UGGT2: variants seen among roughly 807,000 people sequenced by gnomAD.
UGGT2 encodes UDP-glucose glycoprotein glucosyltransferase 2.
A neutral mutation model predicts 192.1 loss-of-function variants in UGGT2; 180 were observed. That is an observed-to-expected ratio of 0.94 (90% CI 0.83 to 1.06). The LOEUF is 1.06. Among genes scored for constraint, UGGT2 ranks in the 50% least tolerant of loss-of-function variants. UGGT2 has a pLI of 0.00. For missense variants in UGGT2, 1,849 were observed against 1,795.7 expected (o/e 1.03, Z -0.54); for synonymous variants, 580 against 591.0 (o/e 0.98, Z 0.27).
intron 38 of UGGT2, among the ~76,000 whole-genome samples, chr13:95,823,855 GT>G (rs926577717): frequency 1.3e-5 from 2 of 151,952 alleles, no homozygotes; most frequent in Non-Finnish European, 1.5e-5. Flanking sequence ...GGCTCTGTGA[GT>G]TTTTTATTTT....
intron 20 of UGGT2, among the ~76,000 whole-genome samples, chr13:95,906,745 C>T (rs186648332): frequency 6.6e-6 from 1 of 152,252 alleles, no homozygotes. Context: ...AAAAGAATCT[C>T]AGTAACAATA....
rs747029590 is a variant in UGGT2, at chr13:95,958,594, CT to C, written c.1336-9141del. 9.0e-3 allele frequency among the ~76,000 whole-genome samples: 1,177 copies of C among 131,144 alleles called. 4 individuals carry two copies. The highest frequency in any genetic ancestry group is 0.019 in the Middle Eastern group (5 of 258). The allele number at this position is 131,144 out of a possible 152,430, so 86.0% of individuals were successfully genotyped here. On this transcript the variant is annotated intron_variant, in intron 12 of 38. Coordinates refer to ENST00000376747, the MANE Select transcript of UGGT2 (RefSeq NM_020121.4). ...CAGAGAGGATTTTTCCCCTTAAGAT[CT>C]TTTTTTTTTTTTTTTTTAAGAAGGG...
At chr13:95,976,315 A>G (rs1429427759) in intron 10 of UGGT2, among the ~76,000 whole-genome samples, 1 of 152,108 alleles carries the variant, frequency 6.6e-6, no homozygotes, top group Non-Finnish European at 1.5e-5. Flanking sequence ...TTATCCACCC[A>G]TCCATTAATG....
intron 17 of UGGT2, among the ~76,000 whole-genome samples, chr13:95,930,978 A>G (rs2049238815): frequency 6.9e-6 from 1 of 145,484 alleles, no homozygotes; most frequent in Middle Eastern, 3.5e-3. Context: ...AACCTCCCAC[A>G]GCATGGAAAG....
In UGGT2 at chr13:96,053,114, G is replaced by A. The variant is rs143778771; in HGVS notation, c.158+41C>T. 10,606 of 1,430,606 alleles carry A rather than the reference G, an allele frequency of 7.4e-3. 64 individuals carry two copies. The highest frequency in any genetic ancestry group is 0.025 in the Middle Eastern group (99 of 3,998). The allele number at this position is 1,430,606 out of a possible 1,614,324, so 88.6% of individuals were successfully genotyped here. On this transcript the variant is annotated intron_variant, in intron 1 of 38. Coordinates refer to ENST00000376747, the MANE Select transcript of UGGT2 (RefSeq NM_020121.4). ...AGAAAGCGCGGCTGAGGGTGGCAGC[G>A]CGCCCACACCCGCCCGGACGAGGGC... is the stretch of plus-strand genomic sequence containing the variant.
rs552694255 is a variant in UGGT2 at position 95,822,917 on chromosome 13, G to T, written c.4528+10010C>A. The stretch of plus-strand genomic sequence containing the variant: ...TGCTCTTTCAGACTTTCTGATGTAG[G>T]CATTTGATGCTATGACTTTTCCTCT... On this transcript the variant is annotated intron_variant, in intron 38 of 38. Coordinates refer to ENST00000376747, the MANE Select transcript of UGGT2 (RefSeq NM_020121.4). 2.0e-5 allele frequency among the ~76,000 whole-genome samples: 3 copies of T among 152,090 alleles called. No homozygotes were observed. In the East Asian group the frequency reaches 5.8e-4, roughly 29 times the overall value.
At chr13:95,857,999 G>GTTT (rs71113957) in intron 33 of UGGT2, among the ~76,000 whole-genome samples, 1 of 139,736 alleles carries the variant, frequency 7.2e-6, no homozygotes, top group African/African-American at 2.6e-5. Flanking sequence ...TTCTTTTTCT[G>GTTT]TTTTTTTTTT....
In UGGT2 at chr13:95,877,679, T is replaced by C; in HGVS notation, c.3387+19A>G. 1 of 1,599,396 alleles carries C rather than the reference T, an allele frequency of 6.3e-7. No homozygotes were observed. Among genetic ancestry groups the C allele is most frequent in the Non-Finnish European group, 8.5e-7 (1 of 1,172,604 alleles). On this transcript the variant is annotated intron_variant, in intron 28 of 38. Transcript: ENST00000376747. Reference sequence around the variant, plus strand: ...CACCAAAACATCAAATTAAACACCATCAATTAAATAATACTTACATGATGT... The same window carrying C: ...CACCAAAACATCAAATTAAACACCACCAATTAAATAATACTTACATGATGT...
chr13:95,839,056 T>C (rs934616755), intron 36 of UGGT2, among the ~76,000 whole-genome samples: 1 of 152,144 alleles, frequency 6.6e-6, no homozygotes, highest in Non-Finnish European at 1.5e-5. Context: ...TTAGTTGTAC[T>C]TTCTTGACAA....
In UGGT2 at chr13:96,032,344, GA is replaced by G. The variant is rs566558631; in HGVS notation, c.159-374del. Among the ~76,000 whole-genome samples the G allele has an allele frequency of 3.3e-5, 5 of 151,094 alleles. No individual in the cohort carries two copies. In the East Asian group the frequency reaches 7.8e-4, roughly 24 times the overall value. ...GAACATTATATAAAGGTAAAAAGTAGAAAAAAAAGACCACCTGTTTCATAAA... is the reference window on the plus strand; with the variant it reads ...GAACATTATATAAAGGTAAAAAGTAGAAAAAAAGACCACCTGTTTCATAAA... On this transcript the variant is annotated intron_variant, in intron 1 of 38. Coordinates refer to ENST00000376747, the MANE Select transcript of UGGT2 (RefSeq NM_020121.4).
chr13:95,824,089 T>A (rs150533848), intron 38 of UGGT2, among the ~76,000 whole-genome samples: 213 of 152,236 alleles, frequency 1.4e-3, no homozygotes, highest in African/African-American at 5.0e-3. Flanking sequence ...CTAACAGTTA[T>A]TCTGTTTAAG....
rs59299614 is a variant in UGGT2, at chr13:95,990,279, GAAACA to G, written c.831-211_831-207del. The stretch of plus-strand genomic sequence containing the variant: ...TACAGGTCTCTTTTATTAAATATAT[GAAACA>G]AAACAAAATCTGGAGGAATATACTC... On this transcript the variant is annotated intron_variant, in intron 7 of 38. Transcript: ENST00000376747. 1.8e-3 allele frequency: 529 copies of G among 296,672 alleles called. 6 individuals carry two copies. The highest frequency in any genetic ancestry group is 0.011 in the African/African-American group (497 of 46,076). 18.4% of individuals were successfully genotyped at this position (296,672 alleles called of 1,614,324 possible). A position where few individuals can be genotyped will look rare whatever the true frequency, so the allele number is the denominator to read the frequency against.
intron 27 of UGGT2, among the ~76,000 whole-genome samples, chr13:95,881,109 G>C (rs890052084): frequency 1.2e-4 from 18 of 152,126 alleles, no homozygotes; most frequent in Admixed American, 1.2e-3. Flanking sequence ...GGGAGGCTGA[G>C]CTTGCAGTGA....
At chr13:95,935,734 T>C (rs1453763877) in intron 17 of UGGT2, among the ~76,000 whole-genome samples, 2 of 152,216 alleles carry the variant, frequency 1.3e-5, no homozygotes, top group African/African-American at 4.8e-5. Context: ...TTCCTGGTTG[T>C]TTACTTTTTC....
chr13:95,960,488 GA>G (rs2050354217), intron 12 of UGGT2, among the ~76,000 whole-genome samples: 1 of 151,984 alleles, frequency 6.6e-6, no homozygotes, highest in South Asian at 2.1e-4. Context: ...CAAGACTTTT[GA>G]AATATCCCAG....
chr13:95,947,890 G>C, intron 14 of UGGT2, 106 bp downstream of exon 14: 1 of 827,232 alleles, frequency 1.2e-6, no homozygotes, highest in South Asian at 1.7e-5. Context: ...TCAGGCACTA[G>C]AGCTAACCAT....
chr13:95,932,797 AG>A (rs2049333054), intron 17 of UGGT2, among the ~76,000 whole-genome samples: 1 of 152,134 alleles, frequency 6.6e-6, no homozygotes, highest in South Asian at 2.1e-4. Context: ...TTTATCATGA[AG>A]GGATGTTTGA....
In UGGT2 at chr13:95,999,199, T is replaced by C. The variant is rs1440749883; in HGVS notation, c.757+12A>G. On this transcript the variant is annotated intron_variant, in intron 6 of 38. Transcript: ENST00000376747. ...TTTTCATTCTACTCAAGTACTGAGA[T>C]AGAGAACTTACTTTTAACTTGGGTA... 10 of 1,608,968 alleles carry C rather than the reference T, an allele frequency of 6.2e-6. No homozygotes were observed. Among genetic ancestry groups the C allele is most frequent in the African/African-American group, 1.3e-5 (1 of 74,802 alleles).
chr13:95,808,275 G>A (rs1388288337), intron 38 of UGGT2, among the ~76,000 whole-genome samples: 2 of 152,116 alleles, frequency 1.3e-5, no homozygotes, highest in Non-Finnish European at 2.9e-5. Flanking sequence ...AGGCTTGGGG[G>A]TTAGCAGCTT....
Sources: gnomAD v4.1 joint callset for allele counts (sites outside exome capture counted in the v4.1 genomes callset) on GRCh38, gnomAD v4.1.1 for gene constraint, MANE v1.5 for transcripts, NCBI Gene and HGNC (gene_info 2026-07-23, HGNC 2026-07-21) for gene names.